PWWP2B: variants seen among roughly 807,000 people sequenced by gnomAD.
PWWP2B encodes PWWP domain containing 2B, also known as PWWP domain-containing protein 2B.
PWWP2B carries 9 observed loss-of-function variants against 15.5 expected under a neutral mutation model. The observed-to-expected ratio is 0.58, with a 90% CI of 0.35 to 1.02. PWWP2B has a LOEUF of 1.02. Among genes scored for constraint, PWWP2B ranks in the 50% least tolerant of loss-of-function variants. PWWP2B has a pLI of 0.02. For synonymous variants in PWWP2B, 474 were observed against 403.6 expected (o/e 1.17, Z -2.09); for missense variants, 864 against 865.3 (o/e 1.00, Z 0.02).
chr10:132,415,206 C>T (rs981189662), intron 2 of PWWP2B, among the ~76,000 whole-genome samples: 2 of 151,662 alleles, frequency 1.3e-5, no homozygotes, highest in African/African-American at 2.4e-5. Flanking sequence ...ACATCCACAT[C>T]CACTCTCACA....
chr10:132,408,279 G>A (rs1479611065), intron 2 of PWWP2B, among the ~76,000 whole-genome samples: 1 of 152,234 alleles, frequency 6.6e-6, no homozygotes, highest in Non-Finnish European at 1.5e-5. Context: ...GTGTCTCGTG[G>A]GGCCTGGGAT....
At chr10:132,400,315 G>A (rs991547220) in intron 1 of PWWP2B, among the ~76,000 whole-genome samples, 17 of 152,298 alleles carry the variant, frequency 1.1e-4, no homozygotes, top group African/African-American at 3.4e-4. Flanking sequence ...GAGTGAGTGG[G>A]TAAGGAGGGT....
At chr10:132,406,454 G>A (rs957608281) in intron 2 of PWWP2B, among the ~76,000 whole-genome samples, 165 bp downstream of exon 2, 4 of 152,266 alleles carry the variant, frequency 2.6e-5, no homozygotes, top group South Asian at 2.1e-4. Flanking sequence ...GCCCTCACTG[G>A]TGATGCCATC....
intron 1 of PWWP2B, among the ~76,000 whole-genome samples, chr10:132,399,028 G>A (rs935173950): frequency 1.4e-5 from 2 of 144,212 alleles, no homozygotes; most frequent in African/African-American, 5.2e-5. Flanking sequence ...CAGTCCTGAG[G>A]CTTGTCCTGG....
chr10:132,409,961 G>A (rs932651389), intron 2 of PWWP2B, among the ~76,000 whole-genome samples: 4 of 152,276 alleles, frequency 2.6e-5, no homozygotes, highest in African/African-American at 9.6e-5. Flanking sequence ...TCCAGGGGTT[G>A]CGGAGGTGGT....
chr10:132,403,276 T>C (rs1191804391), intron 1 of PWWP2B, among the ~76,000 whole-genome samples: 1 of 152,110 alleles, frequency 6.6e-6, no homozygotes, highest in Non-Finnish European at 1.5e-5. Flanking sequence ...GCCACTGCTG[T>C]GCCCTCCCCG....
chr10:132,410,616 A>T (rs1443694868), intron 2 of PWWP2B, among the ~76,000 whole-genome samples: 6 of 152,086 alleles, frequency 3.9e-5, no homozygotes, highest in African/African-American at 1.4e-4. Context: ...TTTGGGAGCC[A>T]TGAGGGCCAA....
At chr10:132,416,150 C>T (rs888924706) in intron 2 of PWWP2B, among the ~76,000 whole-genome samples, 2 of 152,108 alleles carry the variant, frequency 1.3e-5, no homozygotes, top group Non-Finnish European at 2.9e-5. Flanking sequence ...GGGCAGGTCC[C>T]TCCAGTGACT....
chr10:132,399,286 A>C (rs367677808), intron 1 of PWWP2B, among the ~76,000 whole-genome samples: 1 of 152,346 alleles, frequency 6.6e-6, no homozygotes, highest in South Asian at 2.1e-4. Flanking sequence ...TGGGAGCCCT[A>C]TGACAGGTGT....
intron 1 of PWWP2B, among the ~76,000 whole-genome samples, chr10:132,400,594 G>A (rs370136631): frequency 2.6e-5 from 4 of 152,152 alleles, no homozygotes; most frequent in Admixed American, 6.5e-5. Flanking sequence ...TGAGAGAGTT[G>A]GCCTGGGGAG....
chr10:132,398,315 C>T (rs1391724417), intron 1 of PWWP2B, among the ~76,000 whole-genome samples: 1 of 152,226 alleles, frequency 6.6e-6, no homozygotes, highest in African/African-American at 2.4e-5. Context: ...ATCCACAAGT[C>T]ACGTGATTTA....
Position 132,397,422 on chromosome 10 carries a change from C to T in PWWP2B, c.125+71C>T, listed in dbSNP as rs570744358. 1.2e-4 allele frequency: 138 copies of T among 1,115,678 alleles called. 1 individual carries two copies. In the African/African-American group the frequency reaches 2.2e-3, roughly 18 times the overall value. The allele number at this position is 1,115,678 out of a possible 1,614,324, so 69.1% of individuals were successfully genotyped here. A position where few individuals can be genotyped will look rare whatever the true frequency, so the allele number is the denominator to read the frequency against. On this transcript the variant is annotated intron_variant, in intron 1 of 2. Transcript: ENST00000305233. ...CACCCGCCTCCGCCGCCCGGAGACC[C>T]GGGACCCGCCTCCGGGTTGGGGGTG...
intron 1 of PWWP2B, among the ~76,000 whole-genome samples, chr10:132,398,365 G>T (rs949552466): frequency 2.6e-5 from 4 of 152,226 alleles, no homozygotes; most frequent in Non-Finnish European, 5.9e-5. Flanking sequence ...CTCCGTGTGG[G>T]CTACCGCTGG....
rs376089375 is a variant in PWWP2B, at chr10:132,405,469, G to A, written c.969G>A (p.Pro323=). 1.4e-4 allele frequency: 228 copies of A among 1,605,804 alleles called. 1 individual carries two copies. Among genetic ancestry groups the A allele is most frequent in the Middle Eastern group, 3.3e-4 (2 of 6,080 alleles). ...AGTTGAAACTGACACGGCCTGTGCC[G>A]GCCGGCGCGGACCTGCCGCCCCCTA... ...IPKLKLTRPV[P]AGADLPPPKI... Residue 323 remains proline (P), a synonymous_variant, in exon 2 of 3, where the codon CCG becomes CCA. Coordinates refer to ENST00000305233, the MANE Select transcript of PWWP2B (RefSeq NM_138499.4).
At position 132,404,671 on chromosome 10, in the gene PWWP2B, C is replaced by T. The variant is rs111647732; in HGVS notation, c.171C>T (p.Val57=). Residue 57 remains valine (V), a synonymous_variant, in exon 2 of 3, where the codon GTC becomes GTT. Coordinates refer to ENST00000305233, the MANE Select transcript of PWWP2B (RefSeq NM_138499.4). ...GLPPLAPLPQ[V]DESPVNDSHG... is the part of the protein sequence containing the mutation. ...CCCCGTTGGCTCCGCTGCCCCAGGTCGATGAGTCCCCTGTCAACGACAGCC... is the reference window on the plus strand; with the variant it reads ...CCCCGTTGGCTCCGCTGCCCCAGGTTGATGAGTCCCCTGTCAACGACAGCC... 82,233 of 1,612,486 alleles carry T rather than the reference C, an allele frequency of 0.051. 2,377 individuals carry two copies. Among genetic ancestry groups the T allele is most frequent in the Middle Eastern group, 0.078 (475 of 6,058 alleles).
chr10:132,415,373 C>T (rs565514625), intron 2 of PWWP2B, among the ~76,000 whole-genome samples: 20 of 150,348 alleles, frequency 1.3e-4, no homozygotes, highest in African/African-American at 4.4e-4. Flanking sequence ...CTGTCACACA[C>T]GTCACTCACA....
At chr10:132,397,524 G>T (rs919186084) in intron 1 of PWWP2B, among the ~76,000 whole-genome samples, 173 bp downstream of exon 1, 3 of 151,468 alleles carry the variant, frequency 2.0e-5, no homozygotes, top group Non-Finnish European at 4.4e-5. Context: ...CCACTCGGGG[G>T]GGCAAAAGTG....
intron 2 of PWWP2B, among the ~76,000 whole-genome samples, chr10:132,408,539 G>A (rs968440074): frequency 6.6e-6 from 1 of 152,186 alleles, no homozygotes; most frequent in Non-Finnish European, 1.5e-5. Context: ...GCTCGGGCAG[G>A]GAGGCCTTCC....
rs1169409850 is a variant in PWWP2B, at chr10:132,417,113, G to C, written c.*69G>C. 2 of 1,613,158 alleles carry C rather than the reference G, an allele frequency of 1.2e-6. No homozygotes were observed. Among genetic ancestry groups the C allele is most frequent in the East Asian group, 2.2e-5 (1 of 44,870 alleles). On this transcript the variant is annotated 3_prime_UTR_variant, in exon 3 of 3. Transcript: ENST00000305233. ...GTCCTGGAGCTTCCGATCTCTGTTC[G>C]GGGACCCTGTGAGCCTTCTGGCCGG...
Sources: gnomAD v4.1 joint callset for allele counts (sites outside exome capture counted in the v4.1 genomes callset) on GRCh38, gnomAD v4.1.1 for gene constraint, MANE v1.5 for transcripts, NCBI Gene and HGNC (gene_info 2026-07-23, HGNC 2026-07-21) for gene names.